Variants in ATRNL1 observed in about 807,000 individuals in gnomAD.
ATRNL1 encodes attractin-like protein 1.
In ATRNL1, 95 loss-of-function variants were observed where a neutral mutation model predicts 182.7. The ratio of observed to expected loss-of-function variants is 0.52; its 90% CI spans 0.44 to 0.62. The LOEUF is 0.62. Among genes scored for constraint, ATRNL1 ranks in the 20% least tolerant of loss-of-function variants. The pLI is 0.00. For synonymous variants in ATRNL1, 576 were observed against 568.3 expected, an observed-to-expected ratio of 1.01 and a Z score of -0.19; for missense variants, 1,471 against 1,679.5, an observed-to-expected ratio of 0.88 and a Z score of 2.17.
intron 26 of ATRNL1, among the ~76,000 whole-genome samples, chr10:115,570,930 G>A (rs1854353142): frequency 6.6e-6 from 1 of 152,116 alleles, no homozygotes; most frequent in Non-Finnish European, 1.5e-5. Flanking sequence ...CAGACATCCC[G>A]AGCAACCCAA....
intron 25 of ATRNL1, among the ~76,000 whole-genome samples, chr10:115,526,767 T>C (rs1013533074): frequency 5.3e-5 from 8 of 151,872 alleles, no homozygotes; most frequent in South Asian, 2.1e-4. Flanking sequence ...TGAGGGGAAA[T>C]TGGGAGAAGG....
chr10:115,437,424 A>T (rs1238816372), intron 21 of ATRNL1, among the ~76,000 whole-genome samples: 2 of 152,026 alleles, frequency 1.3e-5, no homozygotes, highest in Non-Finnish European at 2.9e-5. Context: ...GCAATAGAGC[A>T]TGAAATAGAC....
intron 27 of ATRNL1, among the ~76,000 whole-genome samples, chr10:115,782,861 A>G (rs1555079605): frequency 6.6e-6 from 1 of 152,226 alleles, no homozygotes; most frequent in Non-Finnish European, 1.5e-5. Flanking sequence ...TTGTTTTGCC[A>G]CATAATATTT....
Position 115,523,104 on chromosome 10 carries a change from C to A in ATRNL1, c.3716+3780C>A, listed in dbSNP as rs573085443. On this transcript the variant is annotated intron_variant, in intron 25 of 28. Transcript: ENST00000355044. ...GGCACTCAGGCTTTTCAATACATCC[C>A]CTGAAATCTCAGTGGAAGCCGACAA... Among the ~76,000 whole-genome samples, 38 of 152,290 alleles carry A rather than the reference C, an allele frequency of 2.5e-4. 1 individual carries two copies. In the South Asian group the frequency reaches 6.9e-3, roughly 27 times the overall value.
chr10:115,798,053 G>A (rs1207520844), intron 27 of ATRNL1, among the ~76,000 whole-genome samples: 1 of 152,140 alleles, frequency 6.6e-6, no homozygotes, highest in Non-Finnish European at 1.5e-5. Flanking sequence ...GAGTAGCTGG[G>A]TCTACAGGCA....
chr10:115,380,629 A>G (rs1038000005), intron 19 of ATRNL1, among the ~76,000 whole-genome samples: 1 of 152,166 alleles, frequency 6.6e-6, no homozygotes, highest in African/African-American at 2.4e-5. Context: ...AAATTATCAA[A>G]TATGTGATCT....
chr10:115,846,971 C>T (rs1205604533), intron 27 of ATRNL1, among the ~76,000 whole-genome samples: 1 of 152,004 alleles, frequency 6.6e-6, no homozygotes, highest in Admixed American at 6.6e-5. Flanking sequence ...CTTTGAACAC[C>T]TAACCCATAG....
At chr10:115,474,878 A>T (rs1238527378) in intron 24 of ATRNL1, among the ~76,000 whole-genome samples, 3 of 151,420 alleles carry the variant, frequency 2.0e-5, no homozygotes, top group African/African-American at 7.3e-5. Flanking sequence ...AAAGGCATTG[A>T]CATCACCCAG....
intron 24 of ATRNL1, among the ~76,000 whole-genome samples, chr10:115,492,561 A>C (rs1473133354): frequency 6.8e-6 from 1 of 146,222 alleles, no homozygotes; most frequent in Non-Finnish European, 1.5e-5. Flanking sequence ...TTATGTGTAT[A>C]TTTTATATTT....
chr10:115,812,401 A>G (rs2134259666), intron 27 of ATRNL1, among the ~76,000 whole-genome samples: 1 of 152,276 alleles, frequency 6.6e-6, no homozygotes, highest in African/African-American at 2.4e-5. Context: ...TCTACTCTAC[A>G]TGTAGCCTTC....
At chr10:115,914,646 C>A (rs1952788917) in intron 28 of ATRNL1, among the ~76,000 whole-genome samples, 1 of 152,220 alleles carries the variant, frequency 6.6e-6, no homozygotes, top group Admixed American at 6.5e-5. Flanking sequence ...CTACTTGGTA[C>A]TTCCCCATGC....
At chr10:115,641,162 T>C (rs1157482164) in intron 26 of ATRNL1, among the ~76,000 whole-genome samples, 1 of 152,164 alleles carries the variant, frequency 6.6e-6, no homozygotes, top group Non-Finnish European at 1.5e-5. Context: ...TACAATCATA[T>C]CTATTGAAGA....
At chr10:115,771,991 G>A (rs1025890433) in intron 27 of ATRNL1, among the ~76,000 whole-genome samples, 1 of 152,214 alleles carries the variant, frequency 6.6e-6, no homozygotes, top group Admixed American at 6.5e-5. Flanking sequence ...CTGAAGGCTA[G>A]TGTTGACTGA....
chr10:115,155,353 G>A (rs1325540220), intron 5 of ATRNL1, among the ~76,000 whole-genome samples: 1 of 151,682 alleles, frequency 6.6e-6, no homozygotes. Flanking sequence ...ATTTTTTTGT[G>A]TATAAAATGA....
At chr10:115,677,182 C>T (rs139462200) in intron 26 of ATRNL1, among the ~76,000 whole-genome samples, 1 of 152,218 alleles carries the variant, frequency 6.6e-6, no homozygotes, top group East Asian at 1.9e-4. Context: ...TACATAGTCT[C>T]ATGGGCTAAA....
chr10:115,296,547 A>C (rs1853202766), intron 15 of ATRNL1, among the ~76,000 whole-genome samples: 1 of 152,192 alleles, frequency 6.6e-6, no homozygotes, highest in Non-Finnish European at 1.5e-5. Context: ...TCTAATTTCT[A>C]TCCCCAGTTT....
intron 26 of ATRNL1, among the ~76,000 whole-genome samples, chr10:115,552,778 C>T (rs782445231): frequency 6.6e-5 from 10 of 151,030 alleles, no homozygotes; most frequent in Non-Finnish European, 1.2e-4. Flanking sequence ...TTGATATGAC[C>T]CCTTCATACA....
chr10:115,166,801 CCTT>C (rs569817378), intron 7 of ATRNL1, among the ~76,000 whole-genome samples: 17 of 152,000 alleles, frequency 1.1e-4, no homozygotes, highest in African/African-American at 4.1e-4. Context: ...GGTATTAACA[CCTT>C]ATCAGAATAT....
At chr10:115,849,778 G>A (rs1460638172) in intron 28 of ATRNL1, among the ~76,000 whole-genome samples, 2 of 152,136 alleles carry the variant, frequency 1.3e-5, no homozygotes, top group African/African-American at 4.8e-5. Context: ...GGGGATACTA[G>A]AGTATAGAGC....
Sources: allele counts gnomAD v4.1 joint callset (sites outside exome capture counted in the v4.1 genomes callset), GRCh38; gene constraint gnomAD v4.1.1; transcripts MANE v1.5; gene names NCBI Gene and HGNC (gene_info 2026-07-23, HGNC 2026-07-21).